Variants in MOB1B observed in about 807,000 individuals in gnomAD.
The protein encoded by MOB1B is MOB1 Mps One Binder homolog B.
In MOB1B, 19 loss-of-function variants were observed where a neutral mutation model predicts 24.4. That is an observed-to-expected ratio of 0.78 (90% CI 0.54 to 1.14). The LOEUF is 1.14. Among genes scored for constraint, MOB1B ranks in the 50% most tolerant of loss-of-function variants. The pLI is 0.00. For synonymous variants in MOB1B, 76 were observed against 82.1 expected (o/e 0.93, Z 0.40); for missense variants, 243 against 259.6 (o/e 0.94, Z 0.44).
intron 2 of MOB1B, among the ~76,000 whole-genome samples, chr4:70,968,658 A>C (rs2148899075): frequency 6.6e-6 from 1 of 152,308 alleles, no homozygotes; most frequent in South Asian, 2.1e-4. Context: ...TCTTTGGCTC[A>C]GGCTGGAGTG....
At chr4:70,973,672 G>A (rs1303760331) in intron 3 of MOB1B, among the ~76,000 whole-genome samples, 2 of 152,144 alleles carry the variant, frequency 1.3e-5, no homozygotes, top group Non-Finnish European at 2.9e-5. Flanking sequence ...ATCAAGAGGT[G>A]TTGGAAAGTA....
intron 5 of MOB1B, 45 bp downstream of exon 5, chr4:70,979,336 T>G: frequency 6.9e-7 from 1 of 1,452,582 alleles, no homozygotes; most frequent in East Asian, 2.3e-5. Context: ...TAAGCATTTA[T>G]CTTCATAGTT....
chr4:70,955,458 TGTGTCC>T (rs1048342139), intron 1 of MOB1B, among the ~76,000 whole-genome samples: 7 of 149,886 alleles, frequency 4.7e-5, no homozygotes, highest in Non-Finnish European at 1.0e-4. Flanking sequence ...TTGTGAAGTA[TGTGTCC>T]TTTTTTTTTT....
Position 70,923,720 on chromosome 4 carries a change from C to T in MOB1B, c.14+21170C>T, listed in dbSNP as rs183419052. Among the ~76,000 whole-genome samples the T allele has an allele frequency of 3.4e-3, 517 of 151,898 alleles. 3 individuals are homozygous for T. Among genetic ancestry groups the T allele is most frequent in the African/African-American group, 0.012 (506 of 41,434 alleles). On this transcript the variant is annotated intron_variant, in intron 1 of 5. Coordinates refer to ENST00000309395, the MANE Select transcript of MOB1B (RefSeq NM_173468.4). ...ATCCCAGCACTCTTGGAGGCCAAGGCGGGCGGATCACAAGATCAGGAGAAA... is the reference window on the plus strand; with the variant it reads ...ATCCCAGCACTCTTGGAGGCCAAGGTGGGCGGATCACAAGATCAGGAGAAA...
At chr4:70,977,376 A>C (rs576770711) in intron 4 of MOB1B, among the ~76,000 whole-genome samples, 2 of 152,316 alleles carry the variant, frequency 1.3e-5, no homozygotes, top group South Asian at 2.1e-4. Context: ...TAATAATTTT[A>C]AATGAGCAAT....
chr4:70,957,186 A>C (rs1738096625), intron 1 of MOB1B, among the ~76,000 whole-genome samples: 1 of 147,296 alleles, frequency 6.8e-6, no homozygotes. Context: ...TAATAACATT[A>C]AAGTTTTCCC....
At position 70,930,536 on chromosome 4, in the gene MOB1B, T is replaced by C. The variant is rs189997426; in HGVS notation, c.14+27986T>C. ...ATATGCTTTTATGGCATGCTTGTTA[T>C]TTTTGAGTATTTACAAGTTGAACTA... On this transcript the variant is annotated intron_variant, in intron 1 of 5. Transcript: ENST00000309395. Among the ~76,000 whole-genome samples the C allele has an allele frequency of 3.3e-5, 5 of 152,340 alleles. No individual in the cohort carries two copies. In the East Asian group the frequency reaches 9.6e-4, roughly 29 times the overall value.
chr4:70,908,143 A>G (rs1368656337), intron 1 of MOB1B, among the ~76,000 whole-genome samples: 5 of 149,826 alleles, frequency 3.3e-5, no homozygotes, highest in Admixed American at 2.7e-4. Flanking sequence ...CTCCTGCCTC[A>G]GCCTCTCGAG....
Position 70,902,693 on chromosome 4 carries a change from C to T in MOB1B, c.14+143C>T, listed in dbSNP as rs1288438902. On this transcript the variant is annotated intron_variant, in intron 1 of 5. Coordinates refer to ENST00000309395, the MANE Select transcript of MOB1B (RefSeq NM_173468.4). ...CCCGGCGTCACCACCAAGCGGGGCC[C>T]CGGGACTGCGCGGAGCGCTCGGACT... 6 of 768,896 alleles carry T rather than the reference C, an allele frequency of 7.8e-6. No individual in the cohort carries two copies. In the East Asian group the frequency reaches 2.1e-4, roughly 26 times the overall value. The allele number at this position is 768,896 out of a possible 1,614,324, so 47.6% of individuals were successfully genotyped here.
intron 1 of MOB1B, among the ~76,000 whole-genome samples, chr4:70,938,201 G>T (rs2148883071): frequency 6.6e-6 from 1 of 151,392 alleles, no homozygotes; most frequent in Non-Finnish European, 1.5e-5. Context: ...AGTGTGGAGG[G>T]TTTATCAACT....
At chr4:70,905,700 C>A (rs1347991161) in intron 1 of MOB1B, among the ~76,000 whole-genome samples, 1 of 152,068 alleles carries the variant, frequency 6.6e-6, no homozygotes, top group Non-Finnish European at 1.5e-5. Context: ...CAAGATGGGG[C>A]TGCAAAGGTG....
At chr4:70,957,842 CACT>C (rs1182086028) in intron 1 of MOB1B, among the ~76,000 whole-genome samples, 2 of 150,298 alleles carry the variant, frequency 1.3e-5, no homozygotes, top group African/African-American at 4.9e-5. Context: ...GATCATAGTG[CACT>C]ACAACCTCAA....
At chr4:70,933,399 T>G (rs1233770712) in intron 1 of MOB1B, among the ~76,000 whole-genome samples, 2 of 152,186 alleles carry the variant, frequency 1.3e-5, no homozygotes, top group Non-Finnish European at 2.9e-5. Context: ...ATAATCCATT[T>G]TATTACCATG....
intron 1 of MOB1B, among the ~76,000 whole-genome samples, chr4:70,927,454 C>T (rs895530445): frequency 6.6e-6 from 1 of 151,942 alleles, no homozygotes; most frequent in African/African-American, 2.4e-5. Flanking sequence ...GCAGGAGAAT[C>T]GCTTGAACCT....
At chr4:70,903,974 C>CGT (rs1735630882) in intron 1 of MOB1B, among the ~76,000 whole-genome samples, 1 of 81,006 alleles carries the variant, frequency 1.2e-5, no homozygotes, top group Non-Finnish European at 2.1e-5. Flanking sequence ...TATTTTAGTT[C>CGT]TTTTTTTTTT....
intron 1 of MOB1B, among the ~76,000 whole-genome samples, chr4:70,926,918 A>G (rs1161527006): frequency 6.6e-6 from 1 of 151,580 alleles, no homozygotes; most frequent in African/African-American, 2.4e-5. Context: ...AATGGCGCAA[A>G]CTCAGGAGGT....
At chr4:70,944,940 G>A (rs2148886929) in intron 1 of MOB1B, among the ~76,000 whole-genome samples, 1 of 152,228 alleles carries the variant, frequency 6.6e-6, no homozygotes, top group East Asian at 1.9e-4. Context: ...TTTGGGTGGG[G>A]ACAAATATCC....
intron 1 of MOB1B, among the ~76,000 whole-genome samples, chr4:70,937,162 C>T (rs1489064041): frequency 6.6e-6 from 1 of 152,200 alleles, no homozygotes; most frequent in Non-Finnish European, 1.5e-5. Context: ...AGATGATCCT[C>T]CTGCCTCAAC....
At chr4:70,955,308 C>T (rs1737995414) in intron 1 of MOB1B, among the ~76,000 whole-genome samples, 1 of 152,092 alleles carries the variant, frequency 6.6e-6, no homozygotes, top group African/African-American at 2.4e-5. Flanking sequence ...TCAGTTGCTG[C>T]AGCCATCTCA....
Sources: gnomAD v4.1 joint callset for allele counts (sites outside exome capture counted in the v4.1 genomes callset) on GRCh38, gnomAD v4.1.1 for gene constraint, MANE v1.5 for transcripts, NCBI Gene and HGNC (gene_info 2026-07-23, HGNC 2026-07-21) for gene names.